Variants in CEP83 observed in about 807,000 individuals in gnomAD.
CEP83 encodes the protein centrosomal protein of 83 kDa.
CEP83 carries 70 observed loss-of-function variants against 101.9 expected under a neutral mutation model. That is an observed-to-expected ratio of 0.69 (90% CI 0.57 to 0.84). CEP83 has a LOEUF of 0.84. Ranked by LOEUF, CEP83 falls within the 40% of genes least tolerant of loss-of-function variation. The pLI is 0.00. For synonymous variants in CEP83, 264 were observed against 267.9 expected (o/e 0.99, Z 0.14); for missense variants, 715 against 787.2 (o/e 0.91, Z 1.10).
intron 8 of CEP83, among the ~76,000 whole-genome samples, chr12:94,370,242 G>C (rs933557408): frequency 6.6e-6 from 1 of 152,180 alleles, no homozygotes; most frequent in African/African-American, 2.4e-5. Flanking sequence ...ACAGAACAGA[G>C]GCATTTCTTT....
At chr12:94,427,233 C>A (rs993758388) in intron 2 of CEP83, among the ~76,000 whole-genome samples, 1 of 152,148 alleles carries the variant, frequency 6.6e-6, no homozygotes, top group African/African-American at 2.4e-5. Context: ...TAAAACGTCT[C>A]CTACTGTGCA....
the CEP83 span, chr12:94,279,733 G>A: frequency 8.7e-7 from 1 of 1,152,328 alleles, no homozygotes; most frequent in South Asian, 1.3e-5. Flanking sequence ...CCCCCTCCCT[G>A]CCCCCACCAG....
chr12:94,424,337 T>G lies in CEP83; in HGVS notation c.-102+10938A>C, dbSNP rs955826353. The G allele has an allele frequency of 2.5e-6, 4 of 1,613,958 alleles. No homozygotes were observed. The African/African-American group carries it at 5.3e-5, about 22-fold the overall frequency. ...ATCAGCAAATTTGCAAAGCAAGGGATCGGATGGGGCTGGTACTCCAGGGGG... is the reference window on the plus strand; with the variant it reads ...ATCAGCAAATTTGCAAAGCAAGGGAGCGGATGGGGCTGGTACTCCAGGGGG... On this transcript the variant is annotated intron_variant, in intron 2 of 16. Coordinates refer to ENST00000397809, the MANE Select transcript of CEP83 (RefSeq NM_016122.3).
intron 6 of CEP83, among the ~76,000 whole-genome samples, chr12:94,398,402 G>A (rs541984892): frequency 1.3e-5 from 2 of 152,256 alleles, no homozygotes; most frequent in African/African-American, 4.8e-5. Flanking sequence ...CATGGCAGAG[G>A]AACATAAATT....
intron 11 of CEP83, among the ~76,000 whole-genome samples, chr12:94,346,337 G>T (rs1471050817): frequency 4.0e-5 from 6 of 151,570 alleles, no homozygotes; most frequent in African/African-American, 1.2e-4. Flanking sequence ...ATAGGCGTGG[G>T]CCACCGCACC....
chr12:94,388,190 A>G (rs559080453), intron 6 of CEP83, among the ~76,000 whole-genome samples: 1 of 152,256 alleles, frequency 6.6e-6, no homozygotes, highest in South Asian at 2.1e-4. Context: ...GTTCCCATCA[A>G]TGGTGAACTG....
rs541725917 is a variant in CEP83, at chr12:94,362,550, T to C, written c.1343+5244A>G. On this transcript the variant is annotated intron_variant, in intron 11 of 16. Transcript: ENST00000397809. ...TGCTCAGGAGGCTGAGGCAAGAGAATCACTTGAACCTGGGAGGCAGAGGTT... is the reference window on the plus strand; with the variant it reads ...TGCTCAGGAGGCTGAGGCAAGAGAACCACTTGAACCTGGGAGGCAGAGGTT... Among the ~76,000 whole-genome samples the C allele has an allele frequency of 2.6e-5, 4 of 152,132 alleles. No individual in the cohort carries two copies. In the East Asian group the frequency reaches 7.7e-4, roughly 29 times the overall value.
At chr12:94,374,250 A>C (rs2061426553) in intron 8 of CEP83, among the ~76,000 whole-genome samples, 1 of 152,150 alleles carries the variant, frequency 6.6e-6, no homozygotes, top group South Asian at 2.1e-4. Flanking sequence ...AATGTACTGC[A>C]TGAAAAGTAT....
intron 11 of CEP83, among the ~76,000 whole-genome samples, chr12:94,341,824 G>A (rs536347751): frequency 6.6e-6 from 1 of 152,250 alleles, no homozygotes; most frequent in African/African-American, 2.4e-5. Flanking sequence ...TTCAAGTAAT[G>A]ACAGAATGCT....
At chr12:94,334,877 T>C (rs2059387696) in intron 12 of CEP83, among the ~76,000 whole-genome samples, 1 of 152,170 alleles carries the variant, frequency 6.6e-6, no homozygotes, top group Non-Finnish European at 1.5e-5. Flanking sequence ...CCTCTCCATA[T>C]GCATAGCATG....
chr12:94,278,821 C>A, the CEP83 span, among the ~76,000 whole-genome samples: 1 of 152,060 alleles, frequency 6.6e-6, no homozygotes, highest in East Asian at 1.9e-4. Flanking sequence ...CATGGTGAAA[C>A]CCCGTCTCTA....
At chr12:94,436,617 G>T (rs2066006293) in intron 1 of CEP83, among the ~76,000 whole-genome samples, 1 of 152,098 alleles carries the variant, frequency 6.6e-6, no homozygotes, top group Non-Finnish European at 1.5e-5. Flanking sequence ...TGGACCACAA[G>T]GTCAGGAGAT....
chr12:94,447,466 T>A (rs1485236958), intron 1 of CEP83, among the ~76,000 whole-genome samples: 1 of 151,958 alleles, frequency 6.6e-6, no homozygotes, highest in Non-Finnish European at 1.5e-5. Flanking sequence ...GATCGCACTA[T>A]TGCACTCCAG....
At chr12:94,275,654 C>A in the CEP83 span, among the ~76,000 whole-genome samples, 2 of 89,618 alleles carry the variant, frequency 2.2e-5, 1 homozygote, top group Non-Finnish European at 4.5e-5. Flanking sequence ...GAGATCGAGA[C>A]CATCCCGGCT....
Position 94,378,912 on chromosome 12 carries a change from A to G in CEP83, c.680T>C (p.Leu227Ser). The stretch of plus-strand genomic sequence containing the variant: ...CTTTAATTCCGCTACTTCAGCCTCT[A>G]AACCTTTTAATTTTTGACACAAATA... ...KVYLCQKLKG[L>S]EAEVAELKAE... Residue 227 changes from leucine to serine, a missense_variant, in exon 7 of 17, where the codon TTA (leucine) becomes TCA (serine). Physicochemically the swap from Leu to Ser is moderately radical, Grantham distance 145. Coordinates refer to ENST00000397809, the MANE Select transcript of CEP83 (RefSeq NM_016122.3). 2.5e-6 allele frequency: 4 copies of G among 1,614,096 alleles called. No homozygotes were observed. Among genetic ancestry groups the G allele is most frequent in the Non-Finnish European group, 3.4e-6 (4 of 1,179,968 alleles).
intron 1 of CEP83, among the ~76,000 whole-genome samples, chr12:94,443,040 T>C (rs537131919): frequency 2.0e-5 from 3 of 152,298 alleles, no homozygotes; most frequent in African/African-American, 7.2e-5. Flanking sequence ...TTCTCATACA[T>C]TGCCTTCGTC....
chr12:94,283,199 T>C, the CEP83 span, among the ~76,000 whole-genome samples: 2 of 152,138 alleles, frequency 1.3e-5, no homozygotes, highest in African/African-American at 4.8e-5. Flanking sequence ...TTGCGTGTAG[T>C]AGTGCTGTGT....
chr12:94,348,309 T>C (rs781273722), intron 11 of CEP83, among the ~76,000 whole-genome samples: 9 of 152,084 alleles, frequency 5.9e-5, no homozygotes, highest in Non-Finnish European at 1.2e-4. Context: ...AGAGCAATCA[T>C]TGGAGCTGAT....
chr12:94,331,289 GAAAAAAAAAAAAAA>G (rs568464808), intron 14 of CEP83, among the ~76,000 whole-genome samples: 4 of 43,822 alleles, frequency 9.1e-5, no homozygotes, highest in Admixed American at 4.0e-4. Context: ...CAGACTCTCA[GAAAAAAAAAAAAAA>G]AAAAAAAAAA....
Sources: gnomAD v4.1 joint callset for allele counts (sites outside exome capture counted in the v4.1 genomes callset) on GRCh38, gnomAD v4.1.1 for gene constraint, MANE v1.5 for transcripts, NCBI Gene and HGNC (gene_info 2026-07-23, HGNC 2026-07-21) for gene names.